Variants in GTF3C4 observed in about 807,000 individuals in gnomAD.
GTF3C4 encodes general transcription factor 3C polypeptide 4.
In GTF3C4, 28 loss-of-function variants were observed where a neutral mutation model predicts 67.5. That is an observed-to-expected ratio of 0.41 (90% confidence interval 0.31 to 0.57). The LOEUF (loss-of-function observed/expected upper bound fraction) is 0.57. Among genes scored for constraint, GTF3C4 ranks in the 20% least tolerant of loss-of-function variants. The pLI, the probability that GTF3C4 is intolerant of heterozygous loss-of-function variation, is 0.21. For missense variants in GTF3C4, 831 were observed against 1,033.2 expected (o/e 0.80, Z 2.68); for synonymous variants, 409 against 393.0 (o/e 1.04, Z -0.48).
intron 1 of GTF3C4, among the ~76,000 whole-genome samples, chr9:132,675,105 C>A (rs938489026): frequency 7.9e-5 from 12 of 152,138 alleles, no homozygotes; most frequent in African/African-American, 2.9e-4. Context: ...TTAATATATG[C>A]TTTGATATAT....
At chr9:132,686,778 G>C (rs930115738) in intron 3 of GTF3C4, among the ~76,000 whole-genome samples, 1 of 152,216 alleles carries the variant, frequency 6.6e-6, no homozygotes, top group South Asian at 2.1e-4. Context: ...GCACATGCCT[G>C]TATTCCCAGC....
chr9:132,674,795 C>G (rs1835840323), intron 1 of GTF3C4, among the ~76,000 whole-genome samples: 1 of 152,192 alleles, frequency 6.6e-6, no homozygotes, highest in African/African-American at 2.4e-5. Context: ...TTTGGAAGGC[C>G]AAGGCCGGAG....
chr9:132,684,321 A>G (rs1835992883), intron 3 of GTF3C4, among the ~76,000 whole-genome samples: 1 of 152,170 alleles, frequency 6.6e-6, no homozygotes, highest in African/African-American at 2.4e-5. Context: ...TTTAATAGGC[A>G]TTTCAAATTG....
intron 1 of GTF3C4, among the ~76,000 whole-genome samples, chr9:132,676,240 CTA>C (rs2130895282): frequency 6.6e-6 from 1 of 151,252 alleles, no homozygotes; most frequent in African/African-American, 2.4e-5. Flanking sequence ...TCTGCACAAA[CTA>C]TTCATTTGTT....
At position 132,670,620 on chromosome 9, in the gene GTF3C4, C is replaced by T. The variant is rs1237487155; in HGVS notation, c.22C>T (p.Arg8Trp). 23 of 1,425,794 alleles carry T rather than the reference C, an allele frequency of 1.6e-5. No homozygotes were observed. The highest frequency in any genetic ancestry group is 3.0e-5 in the South Asian group (2 of 67,486). 88.3% of individuals were successfully genotyped at this position (1,425,794 alleles called of 1,614,324 possible). The change falls in exon 1 of 5, where the codon CGG becomes TGG. Residue 8 changes from arginine to tryptophan, a missense_variant. Physicochemically the swap from Arg to Trp is moderately radical, Grantham distance 101 (BLOSUM62 -3). Transcript: ENST00000372146. ...GAAGATGAACACGGCCGACCAGGCC[C>T]GGGTGGGGCCCGCGGACGACGGGCC... MNTADQA[R>W]VGPADDGPAP...
In GTF3C4 at chr9:132,691,381, A is replaced by G. The variant is rs189158452; in HGVS notation, c.*2436A>G. 1 of 152,224 alleles carries G rather than the reference A, an allele frequency of 6.6e-6. No homozygotes were observed. Among genetic ancestry groups the G allele is most frequent in the East Asian group, 1.9e-4 (1 of 5,184 alleles). The allele number at this position is 152,224 out of a possible 1,614,324, so 9.4% of individuals were successfully genotyped here. On this transcript the variant is annotated 3_prime_UTR_variant, in exon 5 of 5. Coordinates refer to ENST00000372146, the MANE Select transcript of GTF3C4 (RefSeq NM_012204.4). ...TGCAATTCAAACTTACATCCTCTAT[A>G]CCGTCCTAAAATTTGCCTGATCTTA... is the stretch of plus-strand genomic sequence containing the variant.
rs34962674 is a variant in GTF3C4 at position 132,682,595 on chromosome 9, C to CTTTTTTT, written c.2185-951_2185-945dup. Reference sequence around the variant, plus strand: ...GACTTTTATTTTTAAACAGTATAATCTTTTTTTTTTTTTTTTTTTTTTTAC... The same window carrying CTTTTTTT: ...GACTTTTATTTTTAAACAGTATAATCTTTTTTTTTTTTTTTTTTTTTTTTTTTTTTAC... On this transcript the variant is annotated intron_variant, in intron 2 of 4. Coordinates refer to ENST00000372146, the MANE Select transcript of GTF3C4 (RefSeq NM_012204.4). 3.1e-4 allele frequency among the ~76,000 whole-genome samples: 29 copies of CTTTTTTT among 92,544 alleles called. 1 individual carries two copies. The highest frequency in any genetic ancestry group is 7.9e-4 in the African/African-American group (18 of 22,676). 60.7% of individuals were successfully genotyped at this position (92,544 alleles called of 152,430 possible). A position where few individuals can be genotyped will look rare whatever the true frequency, so the allele number is the denominator to read the frequency against.
intron 1 of GTF3C4, among the ~76,000 whole-genome samples, chr9:132,671,392 G>T (rs1440589765): frequency 6.6e-6 from 1 of 152,208 alleles, no homozygotes; most frequent in Non-Finnish European, 1.5e-5. Context: ...TACTGTGTGT[G>T]TCCTCCTCTC....
chr9:132,678,719 A>C lies in GTF3C4; in HGVS notation c.1100A>C (p.Asp367Ala). The C allele has an allele frequency of 6.2e-7, 1 of 1,614,160 alleles. No homozygotes were observed. Among genetic ancestry groups the C allele is most frequent in the Non-Finnish European group, 8.5e-7 (1 of 1,180,004 alleles). The change falls in exon 2 of 5, where the codon GAC (aspartate) becomes GCC (alanine). Residue 367 changes from aspartate to alanine, a missense_variant. Around this residue, in one of 4 missense-constraint regions of GTF3C4, gnomAD observed 390 missense variants for 540.3 expected, o/e 0.72. Coordinates refer to ENST00000372146, the MANE Select transcript of GTF3C4 (RefSeq NM_012204.4). The surrounding 1 kb of genome is among the most constrained non-coding windows in gnomAD (Gnocchi z 6.5). ...CCTGTTATCTTGTGGAAAGAAATGG[A>C]CCAGTTACCTGTGCACAGTATCAAA... is the stretch of plus-strand genomic sequence containing the variant. ...RQPVILWKEM[D>A]QLPVHSIKCV...
At chr9:132,677,708 ATGT>A (rs772935062) in intron 1 of GTF3C4, among the ~76,000 whole-genome samples, 19 of 152,392 alleles carry the variant, frequency 1.2e-4, no homozygotes, top group African/African-American at 4.3e-4. Flanking sequence ...TATTGCAAAG[ATGT>A]TGTAAAAATC....
chr9:132,682,995 C>T (rs560376291), intron 2 of GTF3C4, among the ~76,000 whole-genome samples: 1 of 152,310 alleles, frequency 6.6e-6, no homozygotes, highest in South Asian at 2.1e-4. Flanking sequence ...CAGCTTCTTG[C>T]TCCTATCGTG....
chr9:132,676,541 A>C (rs573948511), intron 1 of GTF3C4, among the ~76,000 whole-genome samples: 1 of 151,156 alleles, frequency 6.6e-6, no homozygotes, highest in African/African-American at 2.4e-5. Context: ...GGCTGGTCTC[A>C]AACTCCTGGT....
chr9:132,677,972 T>G lies in GTF3C4; in HGVS notation c.358-5T>G. 1 of 1,583,044 alleles carries G rather than the reference T, an allele frequency of 6.3e-7. No homozygotes were observed. Among genetic ancestry groups the G allele is most frequent in the Non-Finnish European group, 8.6e-7 (1 of 1,167,318 alleles). ...TCTGATAGTTTTTATATCTCTTATT[T>G]TCAGGTTGGCTCAAAAACAGAAGTT... is the stretch of plus-strand genomic sequence containing the variant. On this transcript the variant is annotated splice_region_variant and splice_polypyrimidine_tract_variant and intron_variant, in intron 1 of 4. Transcript: ENST00000372146.
intron 3 of GTF3C4, among the ~76,000 whole-genome samples, chr9:132,685,523 T>TC (rs1303740748): frequency 6.6e-6 from 1 of 152,028 alleles, no homozygotes; most frequent in Non-Finnish European, 1.5e-5. Flanking sequence ...CACTTTTTTT[T>TC]TTTTTGAGAT....
chr9:132,689,008 C>A lies in GTF3C4; in HGVS notation c.*63C>A. On this transcript the variant is annotated 3_prime_UTR_variant, in exon 5 of 5. Coordinates refer to ENST00000372146, the MANE Select transcript of GTF3C4 (RefSeq NM_012204.4). ...TCTGCCATAGAAAACTTCCTCCAGC[C>A]TGAAGAGAAGGATGCACTGGAGGAA... is the stretch of plus-strand genomic sequence containing the variant. The A allele has an allele frequency of 8.1e-7, 1 of 1,241,754 alleles. No homozygotes were observed. Among genetic ancestry groups the A allele is most frequent in the Non-Finnish European group, 1.2e-6 (1 of 846,498 alleles). The allele number at this position is 1,241,754 out of a possible 1,614,324, so 76.9% of individuals were successfully genotyped here. A position where few individuals can be genotyped will look rare whatever the true frequency, so the allele number is the denominator to read the frequency against.
intron 1 of GTF3C4, among the ~76,000 whole-genome samples, chr9:132,675,991 C>T (rs559934166): frequency 7.5e-4 from 111 of 148,064 alleles, no homozygotes; most frequent in African/African-American, 2.6e-3. Context: ...CTCCACCTCC[C>T]GGGTTCATGC....
At chr9:132,682,392 A>G (rs1835959118) in intron 2 of GTF3C4, among the ~76,000 whole-genome samples, 1 of 152,134 alleles carries the variant, frequency 6.6e-6, no homozygotes, top group Non-Finnish European at 1.5e-5. Context: ...TAGTGAATTA[A>G]TCCAAAATCT....
upstream of GTF3C4, chr9:132,670,372 C>T (rs1170787820): frequency 2.2e-5 from 27 of 1,246,120 alleles, no homozygotes; most frequent in African/African-American, 1.4e-4. Context: ...AAAAGGGGGT[C>T]CTCGGGGCTC....
In GTF3C4 at chr9:132,672,058, TAGTC is replaced by T. The variant is rs1250987003; in HGVS notation, c.357+1106_357+1109del. Among the ~76,000 whole-genome samples the T allele has an allele frequency of 4.6e-5, 7 of 152,236 alleles. No homozygotes were observed. The East Asian group carries it at 5.8e-4, about 13-fold the overall frequency. On this transcript the variant is annotated intron_variant, in intron 1 of 4. Transcript: ENST00000372146. ...AAACATCTTTCTGTTGTTAGATTGT[TAGTC>T]AGCTTGTATGACTAAGCTTCCTCTA...
Sources: gnomAD v4.1 joint callset for allele counts (sites outside exome capture counted in the v4.1 genomes callset) on GRCh38, gnomAD v4.1.1 for gene constraint, gnomAD v4.1.1 regional missense constraint, Gnocchi (gnomAD v3.1) non-coding constraint, MANE v1.5 for transcripts, NCBI Gene and HGNC (gene_info 2026-07-23, HGNC 2026-07-21) for gene names.